ANKHD1: variants seen among roughly 807,000 people sequenced by gnomAD.
ANKHD1 encodes ankyrin repeat and KH domain-containing protein 1.
Under a neutral mutation model 230.5 loss-of-function variants are expected in ANKHD1, and 31 were observed. That is an observed-to-expected ratio of 0.13 (90% confidence interval 0.10 to 0.18). The LOEUF is 0.18. Among genes scored for constraint, ANKHD1 ranks in the 10% least tolerant of loss-of-function variants. The pLI is 1.00. For synonymous variants in ANKHD1, 1,074 were observed against 1,117.6 expected (o/e 0.96, Z 0.78); for missense variants, 2,256 against 3,071.3 (o/e 0.73, Z 6.27).
At position 140,401,978 on chromosome 5, in the gene ANKHD1, A is replaced by C; in HGVS notation, c.11A>C (p.Asp4Ala). 6 of 1,563,890 alleles carry C rather than the reference A, an allele frequency of 3.8e-6. No individual in the cohort carries two copies. The highest frequency in any genetic ancestry group is 5.2e-6 in the Non-Finnish European group (6 of 1,159,820). MLT[D>A]SGGGGTSFEE... ...CTCCGGGTGCGAACAATGCTGACTG[A>C]TAGCGGAGGCGGCGGCACCTCCTTT... Residue 4 changes from aspartate (D) to alanine (A), a missense_variant, in exon 1 of 34, where the codon GAT (aspartate) becomes GCT (alanine). By Grantham distance (126) the Asp-to-Ala change is moderately radical. This residue lies in a region of ANKHD1 where 193 missense variants were observed against 185.8 expected (regional missense o/e 1.04). Transcript: ENST00000360839.
At chr5:140,472,396 A>C (rs1776557289) in intron 10 of ANKHD1, 9 of 1,527,496 alleles carry the variant, frequency 5.9e-6, no homozygotes, top group Non-Finnish European at 7.9e-6. Flanking sequence ...AAGTTCCAGG[A>C]CCCTGCTGGG....
intron 15 of ANKHD1, among the ~76,000 whole-genome samples, chr5:140,501,231 C>T (rs1269750437): frequency 6.6e-6 from 1 of 151,666 alleles, no homozygotes; most frequent in African/African-American, 2.4e-5. Context: ...CGCCCACCAC[C>T]ATGCCTGACT....
In ANKHD1 at chr5:140,464,662, G is replaced by T. The variant is rs1227097536; in HGVS notation, c.1673-5G>T. On this transcript the variant is annotated splice_region_variant and splice_polypyrimidine_tract_variant and intron_variant, in intron 9 of 33. Transcript: ENST00000360839. The stretch of plus-strand genomic sequence containing the variant: ...AAAGTAAATGTATGCTTTTTTGTTT[G>T]CTAGGCGCTAATGTGCATGCTACAA... 8 of 1,524,928 alleles carry T rather than the reference G, an allele frequency of 5.2e-6. No individual in the cohort carries two copies. The highest frequency in any genetic ancestry group is 3.8e-5 in the Admixed American group (2 of 52,472). The allele number at this position is 1,524,928 out of a possible 1,614,324, so 94.5% of individuals were successfully genotyped here.
In ANKHD1 at chr5:140,487,183, A is replaced by G. The variant is rs1210177023; in HGVS notation, c.2245+123A>G. 3.8e-6 allele frequency: 4 copies of G among 1,062,072 alleles called. No individual in the cohort carries two copies. The African/African-American group carries it at 6.5e-5, about 17-fold the overall frequency. The allele number at this position is 1,062,072 out of a possible 1,614,324, so 65.8% of individuals were successfully genotyped here. A position where few individuals can be genotyped will look rare whatever the true frequency, so the allele number is the denominator to read the frequency against. On this transcript the variant is annotated intron_variant, in intron 14 of 33. Transcript: ENST00000360839. ...TGGCTAATTGAGGTAGATAATTCTG[A>G]CAAATGCAAATAGTCTTACTATCTA...
At chr5:140,470,674 A>C (rs1183410097) in intron 10 of ANKHD1, among the ~76,000 whole-genome samples, 1 of 133,596 alleles carries the variant, frequency 7.5e-6, no homozygotes, top group African/African-American at 2.8e-5. Context: ...CCCAGGCTGG[A>C]GTACAGTGGC....
intron 22 of ANKHD1, among the ~76,000 whole-genome samples, chr5:140,511,027 T>C (rs998311639): frequency 1.3e-5 from 2 of 152,058 alleles, no homozygotes; most frequent in African/African-American, 4.8e-5. Flanking sequence ...GGTCTTGCTA[T>C]GTTGCCCAGG....
At chr5:140,436,366 T>G in intron 2 of ANKHD1, 109 bp downstream of exon 2, 1 of 1,238,112 alleles carries the variant, frequency 8.1e-7, no homozygotes, top group Non-Finnish European at 1.0e-6. Flanking sequence ...ATTTAAAATC[T>G]CTAAAATTTA....
At chr5:140,444,995 C>T (rs2126931290) in intron 5 of ANKHD1, among the ~76,000 whole-genome samples, 1 of 152,104 alleles carries the variant, frequency 6.6e-6, no homozygotes, top group African/African-American at 2.4e-5. Context: ...GCAGGGACTA[C>T]AGGGGTATGC....
Position 140,440,216 on chromosome 5 carries a change from G to C in ANKHD1, c.715G>C (p.Glu239Gln). The change falls in exon 4 of 34, where the codon GAA becomes CAA. Residue 239 changes from glutamate to glutamine, a missense_variant. This residue lies in a region of ANKHD1 where 206 missense variants were observed against 304.5 expected (regional missense o/e 0.68). Coordinates refer to ENST00000360839, the MANE Select transcript of ANKHD1 (RefSeq NM_017747.3). ...TGTAAATGAACATACAGAAGAAGGA[G>C]AAAGCCTGCTGTGTTTGGCTTGTTC... is the stretch of plus-strand genomic sequence containing the variant. ...RSVNEHTEEG[E>Q]SLLCLACSAG... 6.2e-7 allele frequency: 1 copy of C among 1,613,520 alleles called. No individual in the cohort carries two copies.
intron 1 of ANKHD1, among the ~76,000 whole-genome samples, chr5:140,418,685 A>C (rs1348153481): frequency 6.6e-6 from 1 of 152,174 alleles, no homozygotes; most frequent in Non-Finnish European, 1.5e-5. Flanking sequence ...TCTTTCACTT[A>C]ACATATTGTT....
chr5:140,427,628 CGGCTGGCCGGGCGGGG>C (rs1353664984), intron 1 of ANKHD1, among the ~76,000 whole-genome samples: 1 of 141,664 alleles, frequency 7.1e-6, no homozygotes, highest in Non-Finnish European at 1.5e-5. Context: ...CCGGACGGGG[CGGCTGGCCGGGCGGGG>C]GGCTGACCCC....
intron 21 of ANKHD1, 91 bp from the exon 22 acceptor site, chr5:140,509,928 A>C (rs948909112): frequency 1.3e-6 from 2 of 1,544,376 alleles, no homozygotes; most frequent in Non-Finnish European, 8.7e-7. Context: ...GATTATTTGC[A>C]AGTTATTTTG....
At chr5:140,537,156 A>G in intron 30 of ANKHD1, 1 of 626,576 alleles carries the variant, frequency 1.6e-6, no homozygotes, top group Non-Finnish European at 2.3e-6. Context: ...TTGTATACTT[A>G]TTATAGGCAG....
chr5:140,505,092 A>T, intron 16 of ANKHD1, 30 bp from the exon 17 acceptor site: 1 of 1,604,840 alleles, frequency 6.2e-7, no homozygotes. Context: ...CTGTTAAAAA[A>T]AATTTTAACT....
chr5:140,510,818 C>CGT (rs57422934), intron 22 of ANKHD1, among the ~76,000 whole-genome samples: 2,417 of 149,164 alleles, frequency 0.016, 91 homozygotes, highest in Admixed American at 0.09. Flanking sequence ...CTTCTGTGTG[C>CGT]GTGTGTGTGT....
chr5:140,493,656 T>C (rs1204510745), intron 14 of ANKHD1, among the ~76,000 whole-genome samples: 1 of 152,226 alleles, frequency 6.6e-6, no homozygotes, highest in African/African-American at 2.4e-5. Context: ...AGTCCTTTGA[T>C]GTGTCTTTAG....
intron 9 of ANKHD1, among the ~76,000 whole-genome samples, chr5:140,462,724 CAAA>C (rs70988762): frequency 1.1e-5 from 1 of 89,024 alleles, no homozygotes; most frequent in Non-Finnish European, 2.1e-5. Flanking sequence ...GACTCCATCT[CAAA>C]AAAAAAAAAA....
chr5:140,449,109 C>A (rs989466720), intron 6 of ANKHD1, 102 bp from the exon 7 acceptor site: 18 of 1,200,378 alleles, frequency 1.5e-5, no homozygotes, highest in Non-Finnish European at 2.1e-5. Flanking sequence ...AATAAGTTAT[C>A]AAATTCTTGT....
intron 10 of ANKHD1, among the ~76,000 whole-genome samples, chr5:140,479,153 A>G (rs1751126454): frequency 6.7e-6 from 1 of 149,916 alleles, no homozygotes; most frequent in African/African-American, 2.5e-5. Context: ...ACCCGCCACC[A>G]CGCCCGGCTA....
Sources: allele counts gnomAD v4.1 joint callset (sites outside exome capture counted in the v4.1 genomes callset), GRCh38; gene constraint gnomAD v4.1.1; regional missense constraint gnomAD v4.1.1; transcripts MANE v1.5; gene names NCBI Gene and HGNC (gene_info 2026-07-23, HGNC 2026-07-21).